FRK: variants seen among roughly 807,000 people sequenced by gnomAD.
FRK encodes the protein fyn related Src family tyrosine kinase.
FRK carries 51 observed loss-of-function variants against 56.4 expected under a neutral mutation model. The observed-to-expected ratio is 0.90, with a 90% CI of 0.72 to 1.14. FRK has a LOEUF of 1.14. Among genes scored for constraint, FRK ranks in the 50% most tolerant of loss-of-function variants. The pLI is 0.00. For synonymous variants in FRK, 245 were observed against 217.9 expected, an observed-to-expected ratio of 1.12 and a Z score of -1.10; for missense variants, 570 against 601.4, an observed-to-expected ratio of 0.95 and a Z score of 0.55.
rs187059788 is a variant in FRK, at chr6:115,939,267, T to G, written c.*3147A>C. The G allele has an allele frequency of 2.0e-5, 3 of 151,784 alleles. No individual in the cohort carries two copies. The East Asian group carries it at 5.8e-4, about 29-fold the overall frequency. The allele number at this position is 151,784 out of a possible 1,614,324, so 9.4% of individuals were successfully genotyped here. A position where few individuals can be genotyped will look rare whatever the true frequency, so the allele number is the denominator to read the frequency against. On this transcript the variant is annotated 3_prime_UTR_variant, in exon 8 of 8. Transcript: ENST00000606080. ...GATGATCTCAATAGATGCAGAAAAT[T>G]TGATAAAATTCAACACCCCTTCATA...
At chr6:116,008,895 A>G (rs1467296913) in intron 1 of FRK, among the ~76,000 whole-genome samples, 2 of 152,236 alleles carry the variant, frequency 1.3e-5, no homozygotes, top group Non-Finnish European at 1.5e-5. Flanking sequence ...GGAGCATCGC[A>G]TCACATGAAA....
the FRK span, among the ~76,000 whole-genome samples, chr6:116,066,462 T>C: frequency 6.6e-6 from 1 of 152,144 alleles, no homozygotes; most frequent in Non-Finnish European, 1.5e-5. Context: ...TGTGTGTGTG[T>C]ATCCTATTAG....
At chr6:116,081,839 C>T in the FRK span, among the ~76,000 whole-genome samples, 12 of 152,096 alleles carry the variant, frequency 7.9e-5, no homozygotes, top group African/African-American at 2.9e-4. Flanking sequence ...GTTCTAGATG[C>T]TGGAACTTCA....
chr6:115,967,561 T>C lies in FRK; in HGVS notation c.789A>G (p.Thr263=), dbSNP rs1383050364. 3.1e-6 allele frequency: 5 copies of C among 1,612,922 alleles called. No individual in the cohort carries two copies. In the South Asian group the frequency reaches 4.4e-5, roughly 14 times the overall value. The part of the protein sequence containing the change: ...WNNTTPVAVK[T]LKPGSMDPND... ...TTATTGTTCTCGCACCTGGTTTTAA[T>C]GTTTTCACTGCTACTGGAGTGGTAT... The change falls in exon 4 of 8, where the codon ACA becomes ACG. Residue 263 remains threonine (T), a synonymous_variant. Coordinates refer to ENST00000606080, the MANE Select transcript of FRK (RefSeq NM_002031.3).
intron 4 of FRK, among the ~76,000 whole-genome samples, chr6:115,962,862 C>T (rs1773432106): frequency 7.0e-4 from 1 of 1,432 alleles, no homozygotes; most frequent in Non-Finnish European, 2.9e-3. Flanking sequence ...AACAAAGACA[C>T]CACATACCAG....
chr6:116,048,782 T>C (rs889856166), intron 1 of FRK, among the ~76,000 whole-genome samples: 3 of 152,238 alleles, frequency 2.0e-5, no homozygotes, highest in Non-Finnish European at 4.4e-5. Context: ...TAAGAATATA[T>C]GAATTTACTT....
At chr6:116,051,044 C>T (rs1275328400) in intron 1 of FRK, among the ~76,000 whole-genome samples, 1 of 152,130 alleles carries the variant, frequency 6.6e-6, no homozygotes, top group African/African-American at 2.4e-5. Context: ...TTATAGCTAT[C>T]AACAATACTG....
chr6:115,944,681 C>A (rs1241857568), intron 5 of FRK, among the ~76,000 whole-genome samples: 1 of 152,042 alleles, frequency 6.6e-6, no homozygotes, highest in Non-Finnish European at 1.5e-5. Context: ...CTGCAATTAT[C>A]TGAGAGTCTG....
Position 115,940,752 on chromosome 6 carries a change from G to A in FRK, c.*1662C>T, listed in dbSNP as rs1772142427. The A allele has an allele frequency of 6.6e-6, 1 of 152,190 alleles. No homozygotes were observed. Among genetic ancestry groups the A allele is most frequent in the African/African-American group, 2.4e-5 (1 of 41,432 alleles). The allele number at this position is 152,190 out of a possible 1,614,324, so 9.4% of individuals were successfully genotyped here. On this transcript the variant is annotated 3_prime_UTR_variant, in exon 8 of 8. Transcript: ENST00000606080. ...AAAAGCTCATCATCTGATCATTAGA[G>A]AAATCCAAATCAAAACCACAATGAG...
At chr6:116,038,049 C>T (rs989415364) in intron 1 of FRK, among the ~76,000 whole-genome samples, 4 of 152,070 alleles carry the variant, frequency 2.6e-5, no homozygotes, top group African/African-American at 4.8e-5. Flanking sequence ...TGAAAAGCAA[C>T]GGGATAAACA....
At chr6:116,099,322 C>G in the FRK span, among the ~76,000 whole-genome samples, 1 of 152,190 alleles carries the variant, frequency 6.6e-6, no homozygotes, top group African/African-American at 2.4e-5. Flanking sequence ...CCCTAAAGTA[C>G]CTAAAGCACC....
At chr6:116,020,979 T>TA (rs975052396) in intron 1 of FRK, among the ~76,000 whole-genome samples, 1 of 151,816 alleles carries the variant, frequency 6.6e-6, no homozygotes, top group South Asian at 2.1e-4. Context: ...GAAATTGAAG[T>TA]AAAAAAAAGG....
chr6:116,074,405 A>G, the FRK span, among the ~76,000 whole-genome samples: 1 of 152,174 alleles, frequency 6.6e-6, no homozygotes, highest in Admixed American at 6.5e-5. Context: ...TCTTCTGGGT[A>G]ATGAAATATG....
the FRK span, among the ~76,000 whole-genome samples, chr6:116,093,127 C>G: frequency 9.9e-5 from 15 of 152,124 alleles, no homozygotes; most frequent in Non-Finnish European, 2.1e-4. Context: ...AATTTACATC[C>G]CACAGGAGGA....
chr6:116,039,702 G>C lies in FRK; in HGVS notation c.344+20266C>G, dbSNP rs184358142. ...ACTCCCTTCTCCACTTAGTATAATC[G>C]TTGGAACTAGACGTCACCAAGGTGG... On this transcript the variant is annotated intron_variant, in intron 1 of 7. Transcript: ENST00000606080. Among the ~76,000 whole-genome samples, 6 of 152,122 alleles carry C rather than the reference G, an allele frequency of 3.9e-5. No homozygotes were observed. In the East Asian group the frequency reaches 1.2e-3, roughly 29 times the overall value.
the FRK span, among the ~76,000 whole-genome samples, chr6:116,066,936 G>T: frequency 6.6e-6 from 1 of 152,104 alleles, no homozygotes; most frequent in Admixed American, 6.5e-5. Flanking sequence ...GGGTTGAATT[G>T]TGTCCTCCAA....
intron 1 of FRK, among the ~76,000 whole-genome samples, chr6:116,021,026 A>C (rs1371708767): frequency 2.0e-5 from 3 of 152,150 alleles, no homozygotes; most frequent in Non-Finnish European, 4.4e-5. Flanking sequence ...TTTGCTTTGA[A>C]ATGTAATATT....
chr6:116,071,958 A>G, the FRK span, among the ~76,000 whole-genome samples: 1 of 152,122 alleles, frequency 6.6e-6, no homozygotes, highest in African/African-American at 2.4e-5. Context: ...CTTCTTTTAT[A>G]ATTTACTCAA....
At chr6:116,026,213 T>C (rs1776083654) in intron 1 of FRK, among the ~76,000 whole-genome samples, 1 of 152,146 alleles carries the variant, frequency 6.6e-6, no homozygotes, top group South Asian at 2.1e-4. Flanking sequence ...TTTGTGTTTC[T>C]ATAATGCTAA....
Sources: allele counts gnomAD v4.1 joint callset (sites outside exome capture counted in the v4.1 genomes callset), GRCh38; gene constraint gnomAD v4.1.1; transcripts MANE v1.5; gene names NCBI Gene and HGNC (gene_info 2026-07-23, HGNC 2026-07-21).